The following ATP6V0A4 variants were observed in gnomAD, a reference collection of about 807,000 sequenced individuals.
ATP6V0A4 encodes the protein ATPase H+ transporting V0 subunit a4, also known as V-type proton ATPase 116 kDa subunit a 4.
Under a neutral mutation model 107.3 loss-of-function variants are expected in ATP6V0A4, and 86 were observed. The ratio of observed to expected loss-of-function variants is 0.80; its 90% CI spans 0.67 to 0.96. The LOEUF (loss-of-function observed/expected upper bound fraction) is 0.96. ATP6V0A4 is among the 40% of genes least tolerant of loss of function. The probability of loss-of-function intolerance (pLI) is 0.00; values close to 1 mark genes in which losing one functional copy is unlikely to be tolerated. For synonymous variants in ATP6V0A4, 353 were observed against 381.4 expected, an observed-to-expected ratio of 0.93 and a Z score of 0.87; for missense variants, 908 against 1,045.6, an observed-to-expected ratio of 0.87 and a Z score of 1.81.
At chr7:138,728,624 T>C (rs1804833930) in intron 18 of ATP6V0A4, 137 bp downstream of exon 18, 2 of 1,187,458 alleles carry the variant, frequency 1.7e-6, no homozygotes, top group Admixed American at 3.6e-5. Context: ...CGAAACATAC[T>C]CAGGGCGGGT....
intron 4 of ATP6V0A4, 29 bp from the exon 5 acceptor site, chr7:138,768,903 C>T: frequency 6.2e-7 from 1 of 1,613,356 alleles, no homozygotes; most frequent in Non-Finnish European, 8.5e-7. Context: ...CCAGAAACCC[C>T]AAGGTGATTG....
At chr7:138,735,569 A>C (rs112971233) in intron 15 of ATP6V0A4, among the ~76,000 whole-genome samples, 93 of 152,304 alleles carry the variant, frequency 6.1e-4, no homozygotes, top group African/African-American at 2.1e-3. Flanking sequence ...GCCAGGCCAG[A>C]GGGGCACCCA....
At chr7:138,782,232 G>T (rs951953338) in intron 2 of ATP6V0A4, among the ~76,000 whole-genome samples, 10 of 152,186 alleles carry the variant, frequency 6.6e-5, no homozygotes, top group South Asian at 4.1e-4. Context: ...CTTGGCTGCT[G>T]GTGGTTGCTG....
rs75020787 is a variant in ATP6V0A4, at chr7:138,765,228, G to A, written c.292-2203C>T. Among the ~76,000 whole-genome samples the A allele has an allele frequency of 5.6e-3, 848 of 152,078 alleles. 3 individuals are homozygous for A. Among genetic ancestry groups the A allele is most frequent in the African/African-American group, 0.019 (804 of 41,494 alleles). On this transcript the variant is annotated intron_variant, in intron 5 of 21. Coordinates refer to ENST00000310018, the MANE Select transcript of ATP6V0A4 (RefSeq NM_020632.3). The stretch of plus-strand genomic sequence containing the variant: ...CACACAAGCAGCGTGAATCCTATCC[G>A]CCCATCATCCAGCTTCAGTTCCACT...
chr7:138,742,689 AT>A (rs5887901), intron 14 of ATP6V0A4, among the ~76,000 whole-genome samples: 80,911 of 140,100 alleles, frequency 0.58, 23,135 homozygotes, highest in East Asian at 0.9. Context: ...TGCCCAGCTA[AT>A]TTTTTTTTTT....
chr7:138,731,155 G>A (rs1313892139), intron 17 of ATP6V0A4, among the ~76,000 whole-genome samples: 1 of 152,084 alleles, frequency 6.6e-6, no homozygotes, highest in South Asian at 2.1e-4. Context: ...GGCTGGTCTC[G>A]AACTCCTGAC....
chr7:138,718,146 G>A (rs543967432), intron 19 of ATP6V0A4, among the ~76,000 whole-genome samples: 71 of 106,310 alleles, frequency 6.7e-4, no homozygotes, highest in African/African-American at 2.1e-3. Context: ...CGTCCAGGAA[G>A]GAAGGGGGGA....
At chr7:138,739,836 G>C in intron 14 of ATP6V0A4, 1 of 468,974 alleles carries the variant, frequency 2.1e-6, no homozygotes, top group Non-Finnish European at 2.8e-6. Context: ...ATCTCAGCCT[G>C]ATGTGCTATA....
At chr7:138,755,056 C>T (rs1369673314) in intron 10 of ATP6V0A4, among the ~76,000 whole-genome samples, 1 of 152,210 alleles carries the variant, frequency 6.6e-6, no homozygotes, top group Admixed American at 6.5e-5. Flanking sequence ...GACACATGAA[C>T]CTTCTATCAT....
At chr7:138,783,022 C>A (rs1213332253) in intron 2 of ATP6V0A4, among the ~76,000 whole-genome samples, 1 of 152,050 alleles carries the variant, frequency 6.6e-6, no homozygotes, top group Admixed American at 6.6e-5. Context: ...TTGCAGTGAG[C>A]CGAGATTGCA....
chr7:138,794,244 A>C (rs912214121), intron 1 of ATP6V0A4, among the ~76,000 whole-genome samples: 5 of 152,176 alleles, frequency 3.3e-5, no homozygotes, highest in African/African-American at 1.2e-4. Flanking sequence ...GGGGCTTGGC[A>C]GGCACAGGCT....
intron 2 of ATP6V0A4, among the ~76,000 whole-genome samples, chr7:138,774,714 ATG>A (rs574691076): frequency 1.2e-3 from 88 of 72,024 alleles, no homozygotes; most frequent in Admixed American, 2.8e-3. Context: ...GTGTGTATAT[ATG>A]TGTGTATATA....
intron 21 of ATP6V0A4, among the ~76,000 whole-genome samples, chr7:138,707,403 T>TA (rs1447455212): frequency 8.5e-6 from 1 of 117,880 alleles, no homozygotes; most frequent in Non-Finnish European, 1.7e-5. Context: ...AAATATATTA[T>TA]ATATATATAT....
chr7:138,763,966 CAA>C (rs1403231996), intron 5 of ATP6V0A4, among the ~76,000 whole-genome samples: 2 of 128,176 alleles, frequency 1.6e-5, no homozygotes, highest in Admixed American at 8.0e-5. Context: ...GACTCTGTCT[CAA>C]AAAAAAAATA....
chr7:138,726,487 G>A (rs1027154878), intron 18 of ATP6V0A4, among the ~76,000 whole-genome samples: 21 of 152,204 alleles, frequency 1.4e-4, no homozygotes, highest in African/African-American at 4.6e-4. Context: ...CGCCACAGGC[G>A]GCCCTCTAGT....
intron 8 of ATP6V0A4, 70 bp from the exon 9 acceptor site, chr7:138,756,610 T>C (rs1806529457): frequency 1.3e-6 from 2 of 1,549,340 alleles, no homozygotes; most frequent in Admixed American, 1.7e-5. Flanking sequence ...TAGAGAGAAA[T>C]GTAAAGTCCT....
chr7:138,778,235 G>T (rs1204997090), intron 2 of ATP6V0A4, among the ~76,000 whole-genome samples: 2 of 151,940 alleles, frequency 1.3e-5, no homozygotes, highest in African/African-American at 2.4e-5. Context: ...AATTAGCGGG[G>T]CGTGGTGGTG....
At chr7:138,766,443 C>A (rs894038100) in intron 5 of ATP6V0A4, among the ~76,000 whole-genome samples, 2 of 151,984 alleles carry the variant, frequency 1.3e-5, no homozygotes, top group Non-Finnish European at 2.9e-5. Flanking sequence ...TGACCTCAAG[C>A]AATACACCCG....
intron 9 of ATP6V0A4, chr7:138,756,076 A>G (rs1372748748): frequency 1.9e-6 from 1 of 537,076 alleles, no homozygotes; most frequent in African/African-American, 1.9e-5. Flanking sequence ...CTTCCTAAGA[A>G]TCTATTAATG....
Sources: gnomAD v4.1 joint callset for allele counts (sites outside exome capture counted in the v4.1 genomes callset) on GRCh38, gnomAD v4.1.1 for gene constraint, MANE v1.5 for transcripts, NCBI Gene and HGNC (gene_info 2026-07-23, HGNC 2026-07-21) for gene names.